Variants in GATA4 observed in about 807,000 individuals in gnomAD.
The protein encoded by GATA4 is transcription factor GATA-4.
Under a neutral mutation model 37.9 loss-of-function variants are expected in GATA4, and 7 were observed. That is an observed-to-expected ratio of 0.18 (90% CI 0.11 to 0.35). The LOEUF (loss-of-function observed/expected upper bound fraction) is 0.35, where lower values mean the gene tolerates loss of function less well. Ranked by LOEUF, GATA4 falls within the 10% of genes least tolerant of loss-of-function variation. The pLI is 1.00. For synonymous variants in GATA4, 372 were observed against 292.6 expected, an observed-to-expected ratio of 1.27 and a Z score of -2.77; for missense variants, 647 against 653.0, an observed-to-expected ratio of 0.99 and a Z score of 0.10.
intron 1 of GATA4, among the ~76,000 whole-genome samples, chr8:11,677,370 T>C (rs1207978672): frequency 1.3e-5 from 2 of 152,196 alleles, no homozygotes; most frequent in Non-Finnish European, 2.9e-5. Context: ...TTTTAGTTTC[T>C]CTATTTCCCG....
intron 2 of GATA4, among the ~76,000 whole-genome samples, chr8:11,740,594 C>T (rs1206536978): frequency 6.6e-6 from 1 of 152,214 alleles, no homozygotes; most frequent in African/African-American, 2.4e-5. Context: ...GTTCTTTCAC[C>T]TGAGGGTGAC....
intron 4 of GATA4, among the ~76,000 whole-genome samples, chr8:11,751,064 A>C (rs1014620050): frequency 3.9e-5 from 6 of 152,226 alleles, no homozygotes; most frequent in African/African-American, 1.4e-4. Context: ...GAACTTCTTA[A>C]ACAAGATTTT....
Position 11,708,669 on chromosome 8 carries a change from C to A in GATA4, c.357C>A (p.Ala119=). Residue 119 remains alanine (A), a synonymous_variant, in exon 2 of 7, where the codon GCC becomes GCA. Transcript: ENST00000532059. The surrounding 1 kb of genome is among the most constrained non-coding windows in gnomAD (Gnocchi z 6.7). ...SFPGTTGSLA[A]AAAAAAAREA... is the part of the protein sequence containing the mutation. Reference sequence around the variant, plus strand: ...CGGGGACCACCGGGTCCCTGGCGGCCGCCGCCGCCGCTGCCGCGGCCCGGG... The same window carrying A: ...CGGGGACCACCGGGTCCCTGGCGGCAGCCGCCGCCGCTGCCGCGGCCCGGG... The A allele has an allele frequency of 7.8e-7, 1 of 1,283,560 alleles. No individual in the cohort carries two copies. Among genetic ancestry groups the A allele is most frequent in the South Asian group, 2.6e-5 (1 of 38,044 alleles). 79.5% of individuals were successfully genotyped at this position (1,283,560 alleles called of 1,614,324 possible).
At chr8:11,713,518 G>A (rs1209839868) in intron 2 of GATA4, among the ~76,000 whole-genome samples, 1 of 152,038 alleles carries the variant, frequency 6.6e-6, no homozygotes, top group African/African-American at 2.4e-5. Context: ...TGGGCAGGAT[G>A]GAAGAGGGTT....
chr8:11,755,025 T>C (rs1375663985), intron 4 of GATA4, 21 bp from the exon 5 acceptor site: 1 of 1,595,842 alleles, frequency 6.3e-7, no homozygotes, highest in Non-Finnish European at 8.6e-7. Flanking sequence ...AAACCCTATA[T>C]ATTTACTTGT....
In GATA4 at chr8:11,739,254, T is replaced by C. The variant is rs141819049; in HGVS notation, c.617-9662T>C. Among the ~76,000 whole-genome samples, 95 of 152,366 alleles carry C rather than the reference T, an allele frequency of 6.2e-4. 1 individual carries two copies. In the East Asian group the frequency reaches 0.018, roughly 28 times the overall value. ...CTGAAGAACATAGTCTATCCAATTG[T>C]CATGTAATAAACCAACTCCAATTTC... On this transcript the variant is annotated intron_variant, in intron 2 of 6. Transcript: ENST00000532059.
rs930703349 is a variant in GATA4, at chr8:11,714,871, C to T, written c.616+5943C>T. Among the ~76,000 whole-genome samples the T allele has an allele frequency of 3.9e-5, 6 of 152,228 alleles. No homozygotes were observed. The East Asian group carries it at 1.2e-3, about 29-fold the overall frequency. ...GATACCTGTGGGTGGGAGTGTAAAT[C>T]GCTCTGACCTTTATGGAGAGTCTTA... On this transcript the variant is annotated intron_variant, in intron 2 of 6. Transcript: ENST00000532059.
At chr8:11,691,573 G>A (rs1799315598), upstream of GATA4, among the ~76,000 whole-genome samples, 1 of 152,242 alleles carries the variant, frequency 6.6e-6, no homozygotes, top group African/African-American at 2.4e-5. Context: ...CTGGGAGACA[G>A]TTTAGTAGTC....
Position 11,707,256 on chromosome 8 carries a change from CCT to C in GATA4, c.-457-597_-457-596del, listed in dbSNP as rs754031833. ...AGTGTATGGATGAGGGTTTCAGAAC[CCT>C]CTTCAGGAGGCTTAGCAGACACCGT... On this transcript the variant is annotated intron_variant, in intron 1 of 6. Transcript: ENST00000532059. This position sits in a 1 kb window ranked among gnomAD's most constrained non-coding sequence, Gnocchi z 4.7. 2.6e-5 allele frequency among the ~76,000 whole-genome samples: 4 copies of C among 151,816 alleles called. No individual in the cohort carries two copies. Among genetic ancestry groups the C allele is most frequent in the Non-Finnish European group, 4.4e-5 (3 of 67,996 alleles).
At chr8:11,756,354 TC>T (rs1211830313) in intron 5 of GATA4, 1 of 166,156 alleles carries the variant, frequency 6.0e-6, no homozygotes, top group Non-Finnish European at 1.3e-5. Context: ...TCCTCCTGCT[TC>T]CCTACTGCTG....
At chr8:11,722,695 C>T (rs1800731238) in intron 2 of GATA4, among the ~76,000 whole-genome samples, 1 of 152,086 alleles carries the variant, frequency 6.6e-6, no homozygotes, top group South Asian at 2.1e-4. Context: ...TTCCTCTGTC[C>T]CCTGTTGCTC....
chr8:11,692,487 C>T (rs971437863), upstream of GATA4: 29 of 983,572 alleles, frequency 2.9e-5, no homozygotes, highest in Non-Finnish European at 3.5e-5. Flanking sequence ...TGAATTTTCT[C>T]CTCCCGTGCA....
upstream of GATA4, among the ~76,000 whole-genome samples, chr8:11,689,128 G>C (rs1011639854): frequency 6.6e-6 from 1 of 152,180 alleles, no homozygotes; most frequent in African/African-American, 2.4e-5. Flanking sequence ...ACGACTTCTG[G>C]AACCTCCCAT....
upstream of GATA4, among the ~76,000 whole-genome samples, chr8:11,688,568 T>G (rs542976381): frequency 1.3e-5 from 2 of 152,154 alleles, no homozygotes; most frequent in East Asian, 3.9e-4. Context: ...CTCAACCCTA[T>G]AAATCTTTGT....
intron 2 of GATA4, among the ~76,000 whole-genome samples, chr8:11,729,038 G>T (rs1801077468): frequency 6.6e-6 from 1 of 151,896 alleles, no homozygotes; most frequent in African/African-American, 2.4e-5. Flanking sequence ...TTCGAGACCA[G>T]CCGGGCCAAC....
rs142257751 is a variant in GATA4, at chr8:11,685,388, C to A, written c.-274+8325C>A. Among the ~76,000 whole-genome samples the A allele has an allele frequency of 1.3e-3, 194 of 152,320 alleles. 1 individual carries two copies. The highest frequency in any genetic ancestry group is 3.8e-3 in the African/African-American group (160 of 41,566). The stretch of plus-strand genomic sequence containing the variant: ...GTATTTCCAAATGGACTATGACAAA[C>A]TCGTGTTTATTTGAAAGCAGAATAA... On this transcript the variant is annotated intron_variant, in intron 1 of 6. Transcript: ENST00000528712.
At chr8:11,686,091 A>T (rs575133693) in intron 1 of GATA4, among the ~76,000 whole-genome samples, 29 of 152,310 alleles carry the variant, frequency 1.9e-4, no homozygotes, top group South Asian at 1.4e-3. Context: ...CAAGTAGCAG[A>T]TGCCTTCCTC....
intron 2 of GATA4, among the ~76,000 whole-genome samples, chr8:11,747,349 A>G (rs2029969): frequency 0.37 from 55,906 of 152,056 alleles, 11,214 homozygotes; most frequent in East Asian, 0.7. Context: ...CAATTGTAAC[A>G]TTCTGTAGAC....
chr8:11,685,516 A>G (rs930281430), intron 1 of GATA4, among the ~76,000 whole-genome samples: 1 of 152,208 alleles, frequency 6.6e-6, no homozygotes, highest in African/African-American at 2.4e-5. Flanking sequence ...TTCGTAGCAA[A>G]TCATTTGTTC....
Sources: allele counts gnomAD v4.1 joint callset (sites outside exome capture counted in the v4.1 genomes callset), GRCh38; gene constraint gnomAD v4.1.1; non-coding constraint Gnocchi (gnomAD v3.1); transcripts MANE v1.5; gene names NCBI Gene and HGNC (gene_info 2026-07-23, HGNC 2026-07-21).